The following AGPS variants were observed in gnomAD, a reference collection of about 807,000 sequenced individuals.
AGPS encodes alkyldihydroxyacetonephosphate synthase, peroxisomal.
AGPS carries 26 observed loss-of-function variants against 90.7 expected under a neutral mutation model. That is an observed-to-expected ratio of 0.29 (90% CI 0.21 to 0.40). The LOEUF (loss-of-function observed/expected upper bound fraction) is 0.40, where lower values mean the gene tolerates loss of function less well. AGPS is among the 10% of genes least tolerant of loss of function. The pLI is 1.00. For missense variants in AGPS, 540 were observed against 816.1 expected (o/e 0.66, Z 4.12); for synonymous variants, 294 against 285.3 (o/e 1.03, Z -0.31).
chr2:177,498,154 G>A (rs961878908), intron 13 of AGPS, among the ~76,000 whole-genome samples: 4 of 151,352 alleles, frequency 2.6e-5, no homozygotes, highest in Non-Finnish European at 5.9e-5. Flanking sequence ...TCTTTTCCTT[G>A]CATCCTTGTT....
At chr2:177,495,841 C>T (rs1209081451) in intron 12 of AGPS, among the ~76,000 whole-genome samples, 11 of 139,780 alleles carry the variant, frequency 7.9e-5, no homozygotes, top group African/African-American at 2.4e-4. Flanking sequence ...TTGCTTGAAC[C>T]GGGGAGGCAG....
At chr2:177,400,742 A>G (rs781238794) in intron 1 of AGPS, among the ~76,000 whole-genome samples, 25 of 152,196 alleles carry the variant, frequency 1.6e-4, no homozygotes, top group Non-Finnish European at 2.9e-4. Context: ...TCCAAATTCT[A>G]TTTATAGTTG....
intron 8 of AGPS, among the ~76,000 whole-genome samples, chr2:177,450,932 G>T (rs1223368256): frequency 6.2e-4 from 3 of 4,826 alleles, no homozygotes; most frequent in Admixed American, 2.2e-3. Flanking sequence ...TCTCTCAGCA[G>T]TGTCTTACGG....
intron 11 of AGPS, among the ~76,000 whole-genome samples, chr2:177,491,765 C>A (rs954292755): frequency 2.7e-5 from 3 of 110,980 alleles, no homozygotes; most frequent in Non-Finnish European, 3.6e-5. Flanking sequence ...TTCCTTCCCC[C>A]CCCCCCCCTT....
intron 14 of AGPS, among the ~76,000 whole-genome samples, chr2:177,505,213 G>A (rs992881100): frequency 7.9e-5 from 12 of 151,938 alleles, no homozygotes; most frequent in Non-Finnish European, 1.6e-4. Flanking sequence ...ATGAATATAT[G>A]AGTAAGAATA....
chr2:177,475,767 C>G (rs1170600889), intron 10 of AGPS, among the ~76,000 whole-genome samples: 1 of 152,026 alleles, frequency 6.6e-6, no homozygotes, highest in African/African-American at 2.4e-5. Context: ...TATGTACAAA[C>G]TTTTGTGTGA....
rs1302901068 is a variant in AGPS, at chr2:177,493,092, G to C, written c.1234-56G>C. On this transcript the variant is annotated intron_variant, in intron 11 of 19. Transcript: ENST00000264167. ...GAAAGATAATATTCACATTCTACCTGTCTAGCTTCTTACTGTATTAAATTT... is the reference window on the plus strand; with the variant it reads ...GAAAGATAATATTCACATTCTACCTCTCTAGCTTCTTACTGTATTAAATTT... The C allele has an allele frequency of 1.4e-5, 20 of 1,424,692 alleles. No homozygotes were observed. In the South Asian group the frequency reaches 2.3e-4, roughly 16 times the overall value. 88.3% of individuals were successfully genotyped at this position (1,424,692 alleles called of 1,614,324 possible).
At chr2:177,529,705 C>G (rs2079120547) in intron 19 of AGPS, among the ~76,000 whole-genome samples, 2 of 152,178 alleles carry the variant, frequency 1.3e-5, no homozygotes, top group South Asian at 4.1e-4. Context: ...ATTTAGTGTT[C>G]TTCCATAAAT....
intron 19 of AGPS, among the ~76,000 whole-genome samples, chr2:177,531,687 T>TAAAACA (rs1333434827): frequency 6.6e-6 from 1 of 152,146 alleles, no homozygotes; most frequent in Non-Finnish European, 1.5e-5. Flanking sequence ...ACTAGACAGC[T>TAAAACA]AAAACAAATT....
intron 11 of AGPS, among the ~76,000 whole-genome samples, chr2:177,488,116 T>C (rs1479914427): frequency 6.6e-6 from 1 of 152,222 alleles, no homozygotes; most frequent in Admixed American, 6.5e-5. Flanking sequence ...ATACCAACTC[T>C]GACTTATTAG....
At chr2:177,535,679 A>G (rs546004478) in intron 19 of AGPS, among the ~76,000 whole-genome samples, 12 of 152,280 alleles carry the variant, frequency 7.9e-5, no homozygotes, top group Middle Eastern at 3.4e-3. Flanking sequence ...TTTTGTTTGA[A>G]TGTGTTTTCT....
chr2:177,491,219 G>A (rs1688247693), intron 11 of AGPS, among the ~76,000 whole-genome samples: 1 of 151,446 alleles, frequency 6.6e-6, no homozygotes. Flanking sequence ...ACGGAATAGT[G>A]TTCTTCTTTA....
chr2:177,509,174 G>A (rs1364857020), intron 16 of AGPS, among the ~76,000 whole-genome samples: 1 of 152,060 alleles, frequency 6.6e-6, no homozygotes, highest in Non-Finnish European at 1.5e-5. Flanking sequence ...GTACGCTGGT[G>A]TTCGTATTCC....
chr2:177,508,075 T>C (rs777140161), intron 16 of AGPS, 44 bp downstream of exon 16: 14 of 1,391,520 alleles, frequency 1.0e-5, no homozygotes, highest in African/African-American at 4.3e-5. Flanking sequence ...ATATGCGATA[T>C]GAATTGCTTG....
rs565123165 is a variant in AGPS, at chr2:177,433,941, A to G, written c.351-386A>G. On this transcript the variant is annotated intron_variant, in intron 2 of 19. Coordinates refer to ENST00000264167, the MANE Select transcript of AGPS (RefSeq NM_003659.4). ...CTTTCCAGATGCAGCATTCACCCCA[A>G]ACACTGTGCTCTGGTTCTTTAAGCC... Among the ~76,000 whole-genome samples the G allele has an allele frequency of 5.9e-5, 9 of 152,156 alleles. 1 individual carries two copies. The South Asian group carries it at 1.9e-3, about 32-fold the overall frequency.
chr2:177,507,185 G>GT (rs969880020), intron 15 of AGPS, among the ~76,000 whole-genome samples: 12 of 152,074 alleles, frequency 7.9e-5, no homozygotes, highest in East Asian at 3.9e-4. Context: ...GGATTTTTTT[G>GT]TTTTTTTCCC....
At chr2:177,531,501 A>G (rs2079136922) in intron 19 of AGPS, among the ~76,000 whole-genome samples, 1 of 152,200 alleles carries the variant, frequency 6.6e-6, no homozygotes, top group Non-Finnish European at 1.5e-5. Flanking sequence ...AAAAAGACCT[A>G]AATAAATGAA....
At chr2:177,444,394 C>T (rs1299652438) in intron 7 of AGPS, among the ~76,000 whole-genome samples, 4 of 140,964 alleles carry the variant, frequency 2.8e-5, no homozygotes, top group African/African-American at 1.1e-4. Flanking sequence ...GCACTCCAGC[C>T]TGGGTGACAG....
intron 1 of AGPS, among the ~76,000 whole-genome samples, chr2:177,400,859 AT>A (rs1275852887): frequency 6.6e-6 from 1 of 152,224 alleles, no homozygotes; most frequent in Non-Finnish European, 1.5e-5. Flanking sequence ...AGAAGTTCGC[AT>A]TTCCAACTCA....
Sources: allele counts gnomAD v4.1 joint callset (sites outside exome capture counted in the v4.1 genomes callset), GRCh38; gene constraint gnomAD v4.1.1; transcripts MANE v1.5; gene names NCBI Gene and HGNC (gene_info 2026-07-23, HGNC 2026-07-21).